SRCAP: variants seen among roughly 807,000 people sequenced by gnomAD.
SRCAP encodes the protein Snf2 related CREBBP activator protein, also known as chromatin remodeling protein SRCAP.
Under a neutral mutation model 263.1 loss-of-function variants are expected in SRCAP, and 46 were observed. That is an observed-to-expected ratio of 0.17 (90% CI 0.14 to 0.22). The LOEUF is 0.22. Ranked by LOEUF, SRCAP falls within the 10% of genes least tolerant of loss-of-function variation. The pLI, the probability that SRCAP is intolerant of heterozygous loss-of-function variation, is 1.00. For synonymous variants in SRCAP, 1,813 were observed against 1,662.1 expected (o/e 1.09, Z -2.21); for missense variants, 3,695 against 4,181.9 (o/e 0.88, Z 3.21).
Position 30,723,068 on chromosome 16 carries a change from C to T in SRCAP, c.3998C>T (p.Pro1333Leu). 6.2e-7 allele frequency: 1 copy of T among 1,614,158 alleles called. No individual in the cohort carries two copies. The highest frequency in any genetic ancestry group is 1.3e-5 in the African/African-American group (1 of 75,034). Residue 1333 changes from proline to leucine, a missense_variant, in exon 24 of 34, where the codon CCT (proline) becomes CTT (leucine). This residue lies in a region of SRCAP where 1,347 missense variants were observed against 1,304.4 expected (regional missense o/e 1.03). Transcript: ENST00000262518. ...PVPPLAPAPRPPSSGLPAVLN... is the reference protein window; with the variant it reads ...PVPPLAPAPRLPSSGLPAVLN... Reference sequence around the variant, plus strand: ...CCTCCATTGGCCCCAGCACCCCGGCCTCCGAGCTCTGGGCTTCCAGCTGTG... The same window carrying T: ...CCTCCATTGGCCCCAGCACCCCGGCTTCCGAGCTCTGGGCTTCCAGCTGTG...
Position 30,739,609 on chromosome 16 carries a change from G to A in SRCAP, c.9569G>A (p.Arg3190His), listed in dbSNP as rs547052090. ...EEEGDGTPRR[R>H]PGPRRLVGTT... ...GAAGGGGATGGGACCCCACGCCGAC[G>A]TCCTGGCCCCCGCCGGCTTGTTGGG... Residue 3190 changes from arginine (R) to histidine (H), a missense_variant, in exon 34 of 34, where the codon CGT becomes CAT. By Grantham distance (29) the Arg-to-His change is conservative (BLOSUM62 0). Transcript: ENST00000262518. The A allele has an allele frequency of 1.1e-5, 18 of 1,594,072 alleles. No individual in the cohort carries two copies. In the East Asian group the frequency reaches 1.1e-4, roughly 10 times the overall value.
At chr16:30,699,565 TG>T (rs750894347) in intron 1 of SRCAP, among the ~76,000 whole-genome samples, 32 of 152,182 alleles carry the variant, frequency 2.1e-4, no homozygotes, top group Non-Finnish European at 4.3e-4. Flanking sequence ...CTCTCACTTC[TG>T]CGTTCAGCCC....
At chr16:30,712,958 C>A (rs141211801) in intron 14 of SRCAP, 143 bp downstream of exon 14, 1 of 1,160,862 alleles carries the variant, frequency 8.6e-7, no homozygotes, top group Admixed American at 2.9e-5. Flanking sequence ...TGGGGTCTCA[C>A]TATGTTACCC....
intron 27 of SRCAP, among the ~76,000 whole-genome samples, chr16:30,730,214 G>C (rs988062614): frequency 2.0e-5 from 3 of 152,190 alleles, no homozygotes; most frequent in African/African-American, 7.2e-5. Context: ...AGCTGTATGG[G>C]AAAAGATGTC....
At position 30,723,155 on chromosome 16, in the gene SRCAP, G is replaced by A. The variant is rs777073710; in HGVS notation, c.4085G>A (p.Arg1362Gln). The A allele has an allele frequency of 3.7e-6, 6 of 1,613,924 alleles. No individual in the cohort carries two copies. The highest frequency in any genetic ancestry group is 5.1e-6 in the Non-Finnish European group (6 of 1,180,014). Residue 1362 changes from arginine (R) to glutamine (Q), a missense_variant, in exon 24 of 34, where the codon CGA becomes CAA. Physicochemically the swap from Arg to Gln is conservative, Grantham distance 43. Around this residue, in one of 12 missense-constraint regions of SRCAP, gnomAD observed 1,347 missense variants for 1,304.4 expected, o/e 1.03. Coordinates refer to ENST00000262518, the MANE Select transcript of SRCAP (RefSeq NM_006662.3). The part of the protein sequence containing the change: ...RLPTPTLGTA[R>Q]APMPTPTLVR... ...CCCACACCTACTCTGGGTACTGCTC[G>A]AGCCCCCATGCCCACACCCACTCTG...
rs758361842 is a variant in SRCAP, at chr16:30,737,782, C to T, written c.7742C>T (p.Pro2581Leu). ...SSETSSLSLV[P>L]PKDLLPVAVE... ...GAAACCTCCTCACTTTCTCTTGTGCCCCCTAAAGATCTGTTGCCAGTTGCT... is the reference window on the plus strand; with the variant it reads ...GAAACCTCCTCACTTTCTCTTGTGCTCCCTAAAGATCTGTTGCCAGTTGCT... Residue 2581 changes from proline (P) to leucine (L), a missense_variant, in exon 34 of 34, where the codon CCC becomes CTC. Around this residue, in one of 12 missense-constraint regions of SRCAP, gnomAD observed 1,207 missense variants for 1,142.9 expected, o/e 1.06. Coordinates refer to ENST00000262518, the MANE Select transcript of SRCAP (RefSeq NM_006662.3). The T allele has an allele frequency of 1.9e-6, 3 of 1,614,210 alleles. No individual in the cohort carries two copies. Among genetic ancestry groups the T allele is most frequent in the East Asian group, 2.2e-5 (1 of 44,882 alleles).
Position 30,712,453 on chromosome 16 carries a change from G to A in SRCAP, c.1993+14G>A. The stretch of plus-strand genomic sequence containing the variant: ...CTTGTGAGAAAGGTAAGTAGGCAAG[G>A]CCCCTTCTTTTGTTCCCCCTAGTCT... On this transcript the variant is annotated intron_variant, in intron 13 of 33. Transcript: ENST00000262518. 1 of 1,554,332 alleles carries A rather than the reference G, an allele frequency of 6.4e-7. No individual in the cohort carries two copies. Among genetic ancestry groups the A allele is most frequent in the Non-Finnish European group, 8.7e-7 (1 of 1,153,030 alleles).
In SRCAP at chr16:30,724,590, A is replaced by G. The variant is rs1216033911; in HGVS notation, c.5166A>G (p.Ser1722=). 1 of 1,614,072 alleles carries G rather than the reference A, an allele frequency of 6.2e-7. No homozygotes were observed. Among genetic ancestry groups the G allele is most frequent in the South Asian group, 1.1e-5 (1 of 91,080 alleles). ...PTQTLSLTPA[S]SLVPTPAQTL... ...AGACATTGTCATTAACTCCAGCATC[A>G]TCCCTGGTACCAACTCCAGCCCAGA... is the stretch of plus-strand genomic sequence containing the variant. Residue 1722 remains serine (S), a synonymous_variant, in exon 25 of 34, where the codon TCA becomes TCG. Coordinates refer to ENST00000262518, the MANE Select transcript of SRCAP (RefSeq NM_006662.3).
At chr16:30,702,518 G>A (rs1207068757) in intron 3 of SRCAP, among the ~76,000 whole-genome samples, 1 of 150,608 alleles carries the variant, frequency 6.6e-6, no homozygotes, top group Non-Finnish European at 1.5e-5. Context: ...ACAGGTGTGA[G>A]CCACCGTGCC....
chr16:30,725,938 T>C (rs1277465523), intron 25 of SRCAP: 1 of 152,058 alleles, frequency 6.6e-6, no homozygotes, highest in African/African-American at 2.4e-5. Flanking sequence ...AACTGTACAA[T>C]AGGTTTTTAA....
At chr16:30,703,568 A>G (rs1267047267) in intron 3 of SRCAP, among the ~76,000 whole-genome samples, 3 of 151,934 alleles carry the variant, frequency 2.0e-5, no homozygotes, top group African/African-American at 7.3e-5. Context: ...AAGCATCTAT[A>G]AACTTGGCTC....
intron 23 of SRCAP, 80 bp downstream of exon 23, chr16:30,722,828 CT>C: frequency 6.4e-7 from 1 of 1,551,028 alleles, no homozygotes; most frequent in Admixed American, 1.9e-5. Context: ...TCTGTCCAGC[CT>C]TCCCTCAGTG....
In SRCAP at chr16:30,720,798, C is replaced by G; in HGVS notation, c.3073C>G (p.Arg1025Gly). Reference sequence around the variant, plus strand: ...GGCGCCCCTGGGCCCTGTCCCAGTTCGACCTCCTCCAGGTCCTGAGCTCTC... The same window carrying G: ...GGCGCCCCTGGGCCCTGTCCCAGTTGGACCTCCTCCAGGTCCTGAGCTCTC... Reference protein sequence around the residue: ...PRAPLGPVPVRPPPGPELSAQ... With the variant: ...PRAPLGPVPVGPPPGPELSAQ... Residue 1025 changes from arginine to glycine, a missense_variant, in exon 20 of 34, where the codon CGA (arginine) becomes GGA (glycine). Arg to Gly is a moderately radical substitution (Grantham distance 125). Transcript: ENST00000262518. 1 of 1,614,094 alleles carries G rather than the reference C, an allele frequency of 6.2e-7. No individual in the cohort carries two copies. Among genetic ancestry groups the G allele is most frequent in the East Asian group, 2.2e-5 (1 of 44,864 alleles).
Position 30,701,354 on chromosome 16 carries a change from A to G in SRCAP, c.54+476A>G, listed in dbSNP as rs144546071. 604 of 153,008 alleles carry G rather than the reference A, an allele frequency of 3.9e-3. 3 individuals carry two copies. Among genetic ancestry groups the G allele is most frequent in the Non-Finnish European group, 6.2e-3 (427 of 68,498 alleles). 9.5% of individuals were successfully genotyped at this position (153,008 alleles called of 1,614,324 possible). ...ATTTTTCTATAAAAAGGGTTTCTTT[A>G]TTGTGTCATCCTTGCACAGGGGCCA... On this transcript the variant is annotated intron_variant, in intron 3 of 33. Transcript: ENST00000262518.
chr16:30,738,132 G>A lies in SRCAP; in HGVS notation c.8092G>A (p.Val2698Ile), dbSNP rs772321084. 2.5e-6 allele frequency: 4 copies of A among 1,614,144 alleles called. No homozygotes were observed. Among genetic ancestry groups the A allele is most frequent in the Non-Finnish European group, 3.4e-6 (4 of 1,180,038 alleles). ...GCCACAGGAACTCGTTACAGCTGAG[G>A]TTGCAGCTCCATCCACCTCATCTTC... ...EKPQELVTAE[V>I]AAPSTSSSAT... The change falls in exon 34 of 34, where the codon GTT becomes ATT. Residue 2698 changes from valine to isoleucine, a missense_variant. Val to Ile is a conservative substitution (Grantham distance 29). This residue lies in a region of SRCAP where 1,207 missense variants were observed against 1,142.9 expected (regional missense o/e 1.06). Transcript: ENST00000262518.
rs577624873 is a variant in SRCAP at position 30,739,976 on chromosome 16, C to T, written c.*243C>T. On this transcript the variant is annotated 3_prime_UTR_variant, in exon 34 of 34. Coordinates refer to ENST00000262518, the MANE Select transcript of SRCAP (RefSeq NM_006662.3). ...AGTGTTAAGGGTGGCAAGATAGTCT[C>T]TGTCCCCACCCCCTTGTACTTGATT... The T allele has an allele frequency of 1.7e-4, 75 of 452,338 alleles. No individual in the cohort carries two copies. Among genetic ancestry groups the T allele is most frequent in the Non-Finnish European group, 2.7e-4 (73 of 273,506 alleles). The allele number at this position is 452,338 out of a possible 1,614,324, so 28.0% of individuals were successfully genotyped here.
rs775225228 is a variant in SRCAP at position 30,711,616 on chromosome 16, A to G, written c.1364A>G (p.Tyr455Cys). Reference sequence around the variant, plus strand: ...CTATTGCAGCAGTATGCAGGAGCCTATGCCCCAGGCTCTGGGAGCAGTGAA... The same window carrying G: ...CTATTGCAGCAGTATGCAGGAGCCTGTGCCCCAGGCTCTGGGAGCAGTGAA... The part of the protein sequence containing the change: ...EELLQQYAGA[Y>C]APGSGSSEDE... The change falls in exon 11 of 34, where the codon TAT (tyrosine) becomes TGT (cysteine). Residue 455 changes from tyrosine to cysteine, a missense_variant. By Grantham distance (194) the Tyr-to-Cys change is radical. Transcript: ENST00000262518. 1.9e-6 allele frequency: 3 copies of G among 1,612,694 alleles called. No homozygotes were observed. The highest frequency in any genetic ancestry group is 8.5e-7 in the Non-Finnish European group (1 of 1,179,548).
At chr16:30,710,203 G>C (rs2052872549) in intron 8 of SRCAP, 75 bp downstream of exon 8, 1 of 1,488,586 alleles carries the variant, frequency 6.7e-7, no homozygotes, top group Non-Finnish European at 9.1e-7. Flanking sequence ...GTTCCGGGCT[G>C]TGAGGTTGGT....
At chr16:30,728,940 A>G in intron 25 of SRCAP, 26 bp from the exon 26 acceptor site, 2 of 1,597,354 alleles carry the variant, frequency 1.3e-6, no homozygotes, top group Non-Finnish European at 1.7e-6. Flanking sequence ...GGTGCTGATT[A>G]CTTCCTCTTT....
Sources: allele counts gnomAD v4.1 joint callset (sites outside exome capture counted in the v4.1 genomes callset), GRCh38; gene constraint gnomAD v4.1.1; regional missense constraint gnomAD v4.1.1; transcripts MANE v1.5; gene names NCBI Gene and HGNC (gene_info 2026-07-23, HGNC 2026-07-21).